TIPRL: variants seen among roughly 807,000 people sequenced by gnomAD.
TIPRL encodes the protein TOR signaling pathway regulator.
Under a neutral mutation model 32.3 loss-of-function variants are expected in TIPRL, and 10 were observed. That is an observed-to-expected ratio of 0.31 (90% CI 0.19 to 0.52). TIPRL has a LOEUF of 0.52. Among genes scored for constraint, TIPRL ranks in the 20% least tolerant of loss-of-function variants. The pLI, the probability that TIPRL is intolerant of heterozygous loss-of-function variation, is 0.96. For missense variants in TIPRL, 250 were observed against 328.1 expected, an observed-to-expected ratio of 0.76 and a Z score of 1.84; for synonymous variants, 100 against 114.0, an observed-to-expected ratio of 0.88 and a Z score of 0.78.
intron 5 of TIPRL, among the ~76,000 whole-genome samples, chr1:168,196,944 T>TA (rs1700165382): frequency 6.6e-6 from 1 of 152,242 alleles, no homozygotes; most frequent in Admixed American, 6.5e-5. Flanking sequence ...CCTTTAACTC[T>TA]TACCTTTGTT....
intron 4 of TIPRL, among the ~76,000 whole-genome samples, chr1:168,193,453 C>CT (rs970675252): frequency 2.0e-5 from 3 of 151,964 alleles, no homozygotes; most frequent in African/African-American, 4.8e-5. Context: ...TCTAAATTCA[C>CT]TTTTTTTTGT....
At position 168,191,594 on chromosome 1, in the gene TIPRL, G is replaced by A. The variant is rs756060748; in HGVS notation, c.516+94G>A. 1.3e-5 allele frequency: 14 copies of A among 1,115,258 alleles called. No individual in the cohort carries two copies. In the East Asian group the frequency reaches 1.4e-4, roughly 11 times the overall value. 69.1% of individuals were successfully genotyped at this position (1,115,258 alleles called of 1,614,324 possible). On this transcript the variant is annotated intron_variant, in intron 4 of 6. Transcript: ENST00000367833. ...ACTTTGAATAACACTGAGCCTGGCCGGGCGCGGTGGCTCACGCCTGTAATC... is the reference window on the plus strand; with the variant it reads ...ACTTTGAATAACACTGAGCCTGGCCAGGCGCGGTGGCTCACGCCTGTAATC...
intron 2 of TIPRL, 93 bp downstream of exon 2, chr1:168,184,174 GTGT>G: frequency 1.8e-6 from 2 of 1,142,196 alleles, no homozygotes; most frequent in Non-Finnish European, 2.4e-6. Flanking sequence ...TGATACGTGT[GTGT>G]TGTTAGAATG....
chr1:168,179,477 A>G (rs549639704), intron 1 of TIPRL, among the ~76,000 whole-genome samples: 1 of 151,366 alleles, frequency 6.6e-6, no homozygotes, highest in African/African-American at 2.4e-5. Context: ...AGCCTGCACC[A>G]CCTTTCTTTC....
rs1700203017 is a variant in TIPRL, at chr1:168,200,985, G to A, written c.*939G>A. ...AGGGGGTTTTAAAATATAAAAGCAA[G>A]TTTTTCTATTTTAAGGTGCATATTT... On this transcript the variant is annotated 3_prime_UTR_variant, in exon 7 of 7. Transcript: ENST00000367833. 1 of 152,092 alleles carries A rather than the reference G, an allele frequency of 6.6e-6. No individual in the cohort carries two copies. The highest frequency in any genetic ancestry group is 2.1e-4 in the South Asian group (1 of 4,830). 9.4% of individuals were successfully genotyped at this position (152,092 alleles called of 1,614,324 possible).
intron 1 of TIPRL, 129 bp from the exon 2 acceptor site, chr1:168,183,773 A>G: frequency 1.1e-6 from 1 of 942,080 alleles, no homozygotes; most frequent in Non-Finnish European, 1.6e-6. Context: ...TTGCAAATAT[A>G]TCATATTGAT....
At chr1:168,190,338 CAT>C (rs1490718737) in intron 3 of TIPRL, among the ~76,000 whole-genome samples, 1 of 152,204 alleles carries the variant, frequency 6.6e-6, no homozygotes, top group African/African-American at 2.4e-5. Flanking sequence ...TCCTGGAAAT[CAT>C]ATACAAACTG....
At chr1:168,193,608 A>T (rs983180856) in intron 4 of TIPRL, among the ~76,000 whole-genome samples, 1 of 152,156 alleles carries the variant, frequency 6.6e-6, no homozygotes, top group Admixed American at 6.6e-5. Flanking sequence ...TATCATGTCT[A>T]TAAGTGGGTC....
In TIPRL at chr1:168,179,040, G is replaced by A. The variant is rs1415468576; in HGVS notation, c.-38G>A. The A allele has an allele frequency of 2.5e-6, 4 of 1,589,864 alleles. No homozygotes were observed. In the South Asian group the frequency reaches 4.4e-5, roughly 18 times the overall value. The stretch of plus-strand genomic sequence containing the variant: ...GGTGTTCGCCGCCGCCGCTGCTTCA[G>A]CTTATTCCTTGTGGCCTCTGCGGGT... On this transcript the variant is annotated 5_prime_UTR_variant, in exon 1 of 7. Transcript: ENST00000367833.
intron 1 of TIPRL, among the ~76,000 whole-genome samples, chr1:168,180,988 A>G (rs1699955787): frequency 6.7e-6 from 1 of 150,156 alleles, no homozygotes; most frequent in African/African-American, 2.4e-5. Context: ...TTTATTTTTT[A>G]TTTTGTTTTT....
intron 3 of TIPRL, among the ~76,000 whole-genome samples, chr1:168,190,983 A>G (rs1700089642): frequency 6.6e-6 from 1 of 152,250 alleles, no homozygotes; most frequent in Admixed American, 6.5e-5. Flanking sequence ...TTCCATATGA[A>G]TGTCCTAAAA....
chr1:168,197,356 G>A (rs1008033359), intron 5 of TIPRL, among the ~76,000 whole-genome samples: 54 of 151,538 alleles, frequency 3.6e-4, no homozygotes, highest in African/African-American at 1.1e-3. Context: ...TTTGAACCTA[G>A]TAGGATAGGA....
Position 168,200,034 on chromosome 1 carries a change from A to C in TIPRL, c.807A>C (p.Thr269=), listed in dbSNP as rs369096911. 8.7e-6 allele frequency: 14 copies of C among 1,613,208 alleles called. No individual in the cohort carries two copies. The Admixed American group carries it at 1.7e-4, about 19-fold the overall frequency. The change falls in exon 7 of 7, where the codon ACA becomes ACC. Residue 269 remains threonine, a synonymous_variant. Transcript: ENST00000367833. ...ACCCAGCAGACTCACAAAAAAGTACACAAGTGGAATAAAATGTGATACAAC... is the reference window on the plus strand; with the variant it reads ...ACCCAGCAGACTCACAAAAAAGTACCCAAGTGGAATAAAATGTGATACAAC... ...DPNPADSQKS[T]QVE is the part of the protein sequence containing the mutation.
At chr1:168,184,176 G>A in intron 2 of TIPRL, 95 bp downstream of exon 2, 1 of 1,124,178 alleles carries the variant, frequency 8.9e-7, no homozygotes. Flanking sequence ...ATACGTGTGT[G>A]TTGTTAGAAT....
At chr1:168,189,634 C>T (rs572911718) in intron 3 of TIPRL, among the ~76,000 whole-genome samples, 51 of 152,124 alleles carry the variant, frequency 3.4e-4, no homozygotes, top group Admixed American at 5.2e-4. Context: ...CATAAGCCAC[C>T]GCGCCCAGCC....
At chr1:168,184,741 C>T in intron 2 of TIPRL, 38 bp from the exon 3 acceptor site, 1 of 1,249,942 alleles carries the variant, frequency 8.0e-7, no homozygotes, top group Non-Finnish European at 1.2e-6. Context: ...CTCTATTCTG[C>T]ATCACTGAAT....
At position 168,196,528 on chromosome 1, in the gene TIPRL, C is replaced by CTT; in HGVS notation, c.517-19_517-18insTT. The CTT allele has an allele frequency of 7.5e-7, 1 of 1,329,662 alleles. No individual in the cohort carries two copies. Among genetic ancestry groups the CTT allele is most frequent in the Non-Finnish European group, 9.9e-7 (1 of 1,007,912 alleles). 82.4% of individuals were successfully genotyped at this position (1,329,662 alleles called of 1,614,324 possible). On this transcript the variant is annotated intron_variant, in intron 4 of 6. Coordinates refer to ENST00000367833, the MANE Select transcript of TIPRL (RefSeq NM_152902.5). ...TAATTTTTATTAAAATATTAATGTA[C>CTT]CTTTTTTTTTTTTTCCAGAGAGTAA...
chr1:168,186,635 A>G (rs1050902993), intron 3 of TIPRL, among the ~76,000 whole-genome samples: 6 of 152,114 alleles, frequency 3.9e-5, no homozygotes, highest in African/African-American at 1.2e-4. Flanking sequence ...TGGAAACCCT[A>G]TGTCATCCGG....
intron 1 of TIPRL, among the ~76,000 whole-genome samples, chr1:168,181,500 CCGCACCCGGCCT>C (rs1334452509): frequency 1.3e-5 from 2 of 151,730 alleles, no homozygotes; most frequent in Non-Finnish European, 2.9e-5. Context: ...GCATAAGCCA[CCGCACCCGGCCT>C]CCTCTCCATA....
Sources: allele counts gnomAD v4.1 joint callset (sites outside exome capture counted in the v4.1 genomes callset), GRCh38; gene constraint gnomAD v4.1.1; transcripts MANE v1.5; gene names NCBI Gene and HGNC (gene_info 2026-07-23, HGNC 2026-07-21).